Variants in RBFOX1 observed in about 807,000 individuals in gnomAD.
RBFOX1 encodes the protein RNA binding fox-1 homolog 1.
A neutral mutation model predicts 57.7 loss-of-function variants in RBFOX1; 8 were observed. The ratio of observed to expected loss-of-function variants is 0.14; its 90% confidence interval spans 0.08 to 0.25. The LOEUF is 0.25. Ranked by LOEUF, RBFOX1 falls within the 10% of genes least tolerant of loss-of-function variation. The pLI, the probability that RBFOX1 is intolerant of heterozygous loss-of-function variation, is 1.00. For synonymous variants in RBFOX1, 326 were observed against 222.4 expected (o/e 1.47, Z -4.15); for missense variants, 611 against 548.5 (o/e 1.11, Z -1.14).
intron 3 of RBFOX1, among the ~76,000 whole-genome samples, chr16:7,010,584 C>G (rs939327673): frequency 6.6e-6 from 1 of 151,664 alleles, no homozygotes; most frequent in Non-Finnish European, 1.5e-5. Flanking sequence ...GAGTTTTTCT[C>G]TGTCACCCAG....
At chr16:6,556,800 T>G (rs1303353504) in intron 2 of RBFOX1, among the ~76,000 whole-genome samples, 2 of 151,954 alleles carry the variant, frequency 1.3e-5, no homozygotes, top group African/African-American at 4.8e-5. Context: ...CTGAAGAGGC[T>G]CATGTGACTG....
intron 3 of RBFOX1, among the ~76,000 whole-genome samples, chr16:7,001,475 G>A (rs763811586): frequency 6.7e-6 from 1 of 148,788 alleles, no homozygotes. Flanking sequence ...TGTATATTTT[G>A]AGATGGAGTC....
intron 3 of RBFOX1, among the ~76,000 whole-genome samples, chr16:7,000,644 G>C (rs868253910): frequency 1.7e-5 from 2 of 115,944 alleles, no homozygotes; most frequent in East Asian, 5.6e-4. Context: ...CTCCTCTGTC[G>C]CCCAGGCTGG....
chr16:6,191,227 G>A (rs1483868603), intron 1 of RBFOX1, among the ~76,000 whole-genome samples: 1 of 150,692 alleles, frequency 6.6e-6, no homozygotes, highest in Non-Finnish European at 1.5e-5. Flanking sequence ...GTATTTTCAA[G>A]CGGTGTTTTA....
At chr16:5,800,905 C>G (rs921741980) in intron 3 of RBFOX1, among the ~76,000 whole-genome samples, 1 of 152,080 alleles carries the variant, frequency 6.6e-6, no homozygotes, top group South Asian at 2.1e-4. Context: ...TTTAAAACTT[C>G]CCTGCCACAT....
At chr16:6,054,214 C>T (rs1395917053) in intron 1 of RBFOX1, among the ~76,000 whole-genome samples, 1 of 152,046 alleles carries the variant, frequency 6.6e-6, no homozygotes, top group Non-Finnish European at 1.5e-5. Flanking sequence ...TCATCCTGCT[C>T]TGCTTATTAG....
chr16:5,244,589 T>C (rs1276645232), intron 1 of RBFOX1, among the ~76,000 whole-genome samples: 1 of 152,226 alleles, frequency 6.6e-6, no homozygotes, highest in South Asian at 2.1e-4. Context: ...TCTGCTGAGA[T>C]ATAGATATTT....
intron 5 of RBFOX1, among the ~76,000 whole-genome samples, chr16:7,521,206 G>A (rs914667403): frequency 6.6e-6 from 1 of 152,182 alleles, no homozygotes; most frequent in Non-Finnish European, 1.5e-5. Context: ...GGAAAGATCT[G>A]GGCTCACTCA....
At chr16:6,866,836 C>T (rs943816583) in intron 3 of RBFOX1, among the ~76,000 whole-genome samples, 14 of 151,914 alleles carry the variant, frequency 9.2e-5, no homozygotes, top group Admixed American at 5.9e-4. Context: ...GCCACCGCGC[C>T]CAGCTAAAGG....
chr16:6,139,300 A>G (rs2096694038), intron 1 of RBFOX1, among the ~76,000 whole-genome samples: 1 of 152,176 alleles, frequency 6.6e-6, no homozygotes, highest in African/African-American at 2.4e-5. Flanking sequence ...CAGGAAGTAT[A>G]AGGAGGTGGA....
chr16:7,310,637 G>C (rs1205937570), intron 4 of RBFOX1, among the ~76,000 whole-genome samples: 2 of 152,192 alleles, frequency 1.3e-5, no homozygotes, highest in African/African-American at 4.8e-5. Context: ...CATTACCAGA[G>C]TTGATATCTA....
intron 1 of RBFOX1, among the ~76,000 whole-genome samples, chr16:6,054,021 C>A (rs997016877): frequency 6.6e-6 from 1 of 152,022 alleles, no homozygotes; most frequent in African/African-American, 2.4e-5. Flanking sequence ...TGTACTCCAG[C>A]CTGCGCAACA....
intron 3 of RBFOX1, among the ~76,000 whole-genome samples, chr16:6,658,076 G>A (rs1333532913): frequency 1.3e-5 from 2 of 152,008 alleles, no homozygotes; most frequent in East Asian, 3.9e-4. Context: ...AAAACCTTAG[G>A]TTTTCCATGG....
intron 2 of RBFOX1, among the ~76,000 whole-genome samples, chr16:6,623,709 C>G (rs2098267177): frequency 6.6e-6 from 1 of 152,098 alleles, no homozygotes; most frequent in East Asian, 1.9e-4. Context: ...GTTTTTTGTC[C>G]TTGCGATAGT....
chr16:7,440,192 G>A (rs753309963), intron 4 of RBFOX1, among the ~76,000 whole-genome samples: 1 of 152,032 alleles, frequency 6.6e-6, no homozygotes, highest in Admixed American at 6.6e-5. Flanking sequence ...CACTGTGTCT[G>A]GCCCCAAATG....
chr16:5,979,414 G>T (rs952133319), intron 4 of RBFOX1, among the ~76,000 whole-genome samples: 1 of 152,180 alleles, frequency 6.6e-6, no homozygotes, highest in Admixed American at 6.5e-5. Flanking sequence ...TCTCAAGAGA[G>T]GAAACATTCA....
chr16:7,105,745 G>A (rs1003979252), intron 4 of RBFOX1, among the ~76,000 whole-genome samples: 2 of 150,524 alleles, frequency 1.3e-5, no homozygotes, highest in Non-Finnish European at 2.9e-5. Flanking sequence ...TATAGATTCA[G>A]TCACAGAGAT....
intron 1 of RBFOX1, among the ~76,000 whole-genome samples, chr16:5,376,887 C>T (rs969977260): frequency 1.3e-5 from 2 of 150,096 alleles, no homozygotes; most frequent in African/African-American, 5.0e-5. Context: ...CCAAGTGGCC[C>T]CTGGGACTAG....
chr16:7,193,629 C>T (rs1470240739), intron 4 of RBFOX1, among the ~76,000 whole-genome samples: 1 of 152,162 alleles, frequency 6.6e-6, no homozygotes, highest in Non-Finnish European at 1.5e-5. Context: ...GTGTATTCTG[C>T]TTTATAACTG....
Sources: allele counts gnomAD v4.1 joint callset (sites outside exome capture counted in the v4.1 genomes callset), GRCh38; gene constraint gnomAD v4.1.1; transcripts MANE v1.5; gene names NCBI Gene and HGNC (gene_info 2026-07-23, HGNC 2026-07-21).